Variants in ADAMTSL1 observed in about 807,000 individuals in gnomAD.
The protein encoded by ADAMTSL1 is ADAMTS-like protein 1.
In ADAMTSL1, 126 loss-of-function variants were observed where a neutral mutation model predicts 201.8. The observed-to-expected ratio is 0.62, with a 90% CI of 0.54 to 0.72. The LOEUF (loss-of-function observed/expected upper bound fraction) is 0.72. ADAMTSL1 is among the 30% of genes least tolerant of loss of function. The pLI is 0.00. For missense variants in ADAMTSL1, 2,679 were observed against 2,277.8 expected (o/e 1.18, Z -3.59); for synonymous variants, 1,121 against 903.4 (o/e 1.24, Z -4.32).
At chr9:18,330,756 C>G (rs1834999118) in intron 2 of ADAMTSL1, among the ~76,000 whole-genome samples, 1 of 152,144 alleles carries the variant, frequency 6.6e-6, no homozygotes, top group African/African-American at 2.4e-5. Flanking sequence ...TAAAGAAATA[C>G]AACCTTTAAG....
intron 1 of ADAMTSL1, among the ~76,000 whole-genome samples, chr9:17,978,018 T>C (rs1005725694): frequency 3.3e-5 from 5 of 152,070 alleles, no homozygotes; most frequent in Admixed American, 2.6e-4. Context: ...GTTTCTATTC[T>C]CTTGATTAAT....
intron 1 of ADAMTSL1, among the ~76,000 whole-genome samples, chr9:18,018,712 CAACTT>C (rs1484219091): frequency 6.6e-6 from 1 of 152,070 alleles, no homozygotes; most frequent in Non-Finnish European, 1.5e-5. Flanking sequence ...CCCCAGTCAT[CAACTT>C]AACTGCAGTT....
At chr9:18,647,684 T>C (rs965504910) in intron 7 of ADAMTSL1, among the ~76,000 whole-genome samples, 1 of 151,068 alleles carries the variant, frequency 6.6e-6, no homozygotes, top group African/African-American at 2.4e-5. Context: ...AGTTTCCATG[T>C]AGTTGAGTGG....
intron 2 of ADAMTSL1, among the ~76,000 whole-genome samples, chr9:18,217,276 G>A (rs1422018793): frequency 6.6e-6 from 1 of 152,164 alleles, no homozygotes; most frequent in Non-Finnish European, 1.5e-5. Flanking sequence ...ACAACCCTGT[G>A]AAGTTTAGAT....
intron 1 of ADAMTSL1, among the ~76,000 whole-genome samples, chr9:17,943,968 C>T (rs562728057): frequency 2.6e-5 from 4 of 151,896 alleles, no homozygotes; most frequent in South Asian, 2.1e-4. Flanking sequence ...AGGTGCCACA[C>T]ACCTTTAAAT....
intron 2 of ADAMTSL1, among the ~76,000 whole-genome samples, chr9:18,270,314 A>C (rs141477434): frequency 9.9e-5 from 15 of 152,228 alleles, no homozygotes; most frequent in African/African-American, 2.6e-4. Context: ...TCACTCCCCA[A>C]TACCATCATC....
chr9:17,922,830 T>A (rs1367543338), intron 1 of ADAMTSL1, among the ~76,000 whole-genome samples: 1 of 152,182 alleles, frequency 6.6e-6, no homozygotes, highest in African/African-American at 2.4e-5. Context: ...TTGTAGTAAC[T>A]GCAGTTGTTT....
chr9:17,915,160 C>A (rs895721934), intron 1 of ADAMTSL1, among the ~76,000 whole-genome samples: 1 of 152,076 alleles, frequency 6.6e-6, no homozygotes, highest in South Asian at 2.1e-4. Context: ...TCCTCATTAC[C>A]CTTTGCAATG....
chr9:18,617,355 T>C (rs1271726275), intron 4 of ADAMTSL1, among the ~76,000 whole-genome samples: 1 of 152,220 alleles, frequency 6.6e-6, no homozygotes, highest in Admixed American at 6.5e-5. Flanking sequence ...CAGTCTTGCA[T>C]ACTGCCTGTT....
At chr9:18,506,910 A>T (rs970015950) in intron 2 of ADAMTSL1, among the ~76,000 whole-genome samples, 5 of 152,188 alleles carry the variant, frequency 3.3e-5, no homozygotes, top group Non-Finnish European at 7.4e-5. Context: ...ACAAGAATAT[A>T]AAGAAATATT....
intron 23 of ADAMTSL1, among the ~76,000 whole-genome samples, chr9:18,843,974 G>C (rs992786292): frequency 9.9e-5 from 15 of 152,054 alleles, no homozygotes; most frequent in Non-Finnish European, 1.8e-4. Flanking sequence ...TTTGCCTTTG[G>C]TTTGAATTTC....
chr9:17,980,249 G>A (rs564933364), intron 1 of ADAMTSL1, among the ~76,000 whole-genome samples: 18 of 152,120 alleles, frequency 1.2e-4, no homozygotes, highest in African/African-American at 3.6e-4. Flanking sequence ...GCAGATAGTT[G>A]TTCAAATTAA....
chr9:17,933,078 A>G (rs1301962451), intron 1 of ADAMTSL1, among the ~76,000 whole-genome samples: 1 of 152,174 alleles, frequency 6.6e-6, no homozygotes, highest in Non-Finnish European at 1.5e-5. Context: ...GCTGTAATAA[A>G]TTGCCACAAA....
chr9:18,593,264 G>T (rs1183570390), intron 4 of ADAMTSL1, among the ~76,000 whole-genome samples: 1 of 152,110 alleles, frequency 6.6e-6, no homozygotes, highest in Non-Finnish European at 1.5e-5. Flanking sequence ...TAAATAACAT[G>T]TTGGAAGTGG....
intron 1 of ADAMTSL1, among the ~76,000 whole-genome samples, chr9:18,113,864 C>T (rs1041117182): frequency 7.9e-5 from 12 of 152,058 alleles, no homozygotes; most frequent in Admixed American, 3.3e-4. Flanking sequence ...TGCTGTTTTT[C>T]CACTTTGTAG....
chr9:18,282,471 T>G (rs1412396324), intron 2 of ADAMTSL1, among the ~76,000 whole-genome samples: 1 of 152,264 alleles, frequency 6.6e-6, no homozygotes, highest in Non-Finnish European at 1.5e-5. Context: ...TTTCTCAGAT[T>G]AATTTATATG....
At chr9:18,863,438 T>C (rs192451881) in intron 23 of ADAMTSL1, among the ~76,000 whole-genome samples, 1 of 152,312 alleles carries the variant, frequency 6.6e-6, no homozygotes, top group East Asian at 1.9e-4. Flanking sequence ...TTGGATAGTT[T>C]TATTTTTCCA....
At chr9:17,934,350 CAT>C (rs1416203347) in intron 1 of ADAMTSL1, among the ~76,000 whole-genome samples, 1 of 152,168 alleles carries the variant, frequency 6.6e-6, no homozygotes, top group African/African-American at 2.4e-5. Flanking sequence ...ACCTACAAGC[CAT>C]ATTACTTCCA....
chr9:18,902,917 A>G (rs1188118749), intron 26 of ADAMTSL1, among the ~76,000 whole-genome samples: 1 of 152,246 alleles, frequency 6.6e-6, no homozygotes, highest in Non-Finnish European at 1.5e-5. Context: ...AGAAATAAAA[A>G]GGATTGGCCA....
Sources: gnomAD v4.1 joint callset for allele counts (sites outside exome capture counted in the v4.1 genomes callset) on GRCh38, gnomAD v4.1.1 for gene constraint, MANE v1.5 for transcripts, NCBI Gene and HGNC (gene_info 2026-07-23, HGNC 2026-07-21) for gene names.